The following VAV2 variants were observed in gnomAD, a reference collection of about 807,000 sequenced individuals.
The protein encoded by VAV2 is vav guanine nucleotide exchange factor 2.
VAV2 carries 67 observed loss-of-function variants against 132.5 expected under a neutral mutation model. The observed-to-expected ratio is 0.51, with a 90% CI of 0.42 to 0.62. The LOEUF (loss-of-function observed/expected upper bound fraction) is 0.62, where lower values mean the gene tolerates loss of function less well. Among genes scored for constraint, VAV2 ranks in the 20% least tolerant of loss-of-function variants. The pLI, the probability that VAV2 is intolerant of heterozygous loss-of-function variation, is 0.00. For missense variants in VAV2, 938 were observed against 1,153.6 expected (o/e 0.81, Z 2.71); for synonymous variants, 492 against 443.5 (o/e 1.11, Z -1.37).
chr9:133,904,419 G>A (rs528011053), intron 2 of VAV2, among the ~76,000 whole-genome samples: 11 of 152,200 alleles, frequency 7.2e-5, no homozygotes, highest in South Asian at 4.1e-4. Context: ...GTCCTCCAGG[G>A]TCCCGTGAAA....
intron 26 of VAV2, 129 bp from the exon 27 acceptor site, chr9:133,770,630 C>T (rs1203420120): frequency 5.0e-6 from 7 of 1,391,702 alleles, no homozygotes; most frequent in African/African-American, 1.4e-5. Flanking sequence ...CTCAGAACTC[C>T]CCACATCCCG....
chr9:133,936,491 C>A (rs1031961985), intron 2 of VAV2, among the ~76,000 whole-genome samples: 1 of 152,180 alleles, frequency 6.6e-6, no homozygotes, highest in Non-Finnish European at 1.5e-5. Flanking sequence ...GATCCGCCCA[C>A]CTCAGCCTTC....
chr9:133,785,013 G>A (rs185349392), intron 17 of VAV2, among the ~76,000 whole-genome samples: 3 of 152,150 alleles, frequency 2.0e-5, no homozygotes, highest in Non-Finnish European at 4.4e-5. Flanking sequence ...CATGGAAAGC[G>A]AGTGGCCGAA....
rs1488751786 is a variant in VAV2 at position 133,809,371 on chromosome 9, C to A, written c.568-233G>T. Among the ~76,000 whole-genome samples, 3 of 152,154 alleles carry A rather than the reference C, an allele frequency of 2.0e-5. No homozygotes were observed. The East Asian group carries it at 5.8e-4, about 29-fold the overall frequency. On this transcript the variant is annotated intron_variant, in intron 6 of 29. Coordinates refer to ENST00000371850, the MANE Select transcript of VAV2 (RefSeq NM_001134398.2). ...ACGGGGAGGGGATGTGACGTGGGGA[C>A]AGTGCCAAGGAAGGCTTGGAGGCAG...
At chr9:133,952,746 C>T (rs1272028930) in intron 1 of VAV2, among the ~76,000 whole-genome samples, 1 of 152,214 alleles carries the variant, frequency 6.6e-6, no homozygotes, top group East Asian at 1.9e-4. Context: ...CATGATGCAG[C>T]CACAAGCCAA....
intron 1 of VAV2, among the ~76,000 whole-genome samples, chr9:133,951,913 T>C (rs653373): frequency 0.39 from 58,517 of 151,918 alleles, 11,501 homozygotes; most frequent in Non-Finnish European, 0.42. Flanking sequence ...TTCTTTCTTG[T>C]AGCTCCAGAG....
At chr9:133,767,454 G>A (rs894203005) in intron 29 of VAV2, among the ~76,000 whole-genome samples, 1 of 152,214 alleles carries the variant, frequency 6.6e-6, no homozygotes, top group African/African-American at 2.4e-5. Context: ...ACTTAATGCT[G>A]TATAGAAAAT....
At chr9:133,889,073 C>T (rs959684520) in intron 2 of VAV2, among the ~76,000 whole-genome samples, 3 of 152,174 alleles carry the variant, frequency 2.0e-5, no homozygotes, top group African/African-American at 4.8e-5. Context: ...GAGGCAGGTC[C>T]GGCAGGGATC....
At chr9:133,867,345 C>T (rs1032216574) in intron 2 of VAV2, among the ~76,000 whole-genome samples, 7 of 152,144 alleles carry the variant, frequency 4.6e-5, no homozygotes, top group African/African-American at 1.7e-4. Flanking sequence ...AGATGGAAGC[C>T]AAAAAAGTGA....
chr9:133,940,672 C>CGTGTGTGTGT (rs60265901), intron 1 of VAV2, among the ~76,000 whole-genome samples: 6,907 of 139,030 alleles, frequency 0.05, 148 homozygotes, highest in South Asian at 0.063. Context: ...TGTCCACGTG[C>CGTGTGTGTGT]GTGTGTGTGT....
Position 133,812,134 on chromosome 9 carries a change from C to T in VAV2, c.532G>A (p.Val178Met), listed in dbSNP as rs1303256900. ...CTCACCATGGGCTGCTGCACCTCCA[C>T]CTTGATGATGTCCTCGTAGATGTCG... ...GDDIYEDIIK[V>M]EVQQPMIRYM... Residue 178 changes from valine (V) to methionine (M), a missense_variant, in exon 5 of 30, where the codon GTG becomes ATG. By Grantham distance (21) the Val-to-Met change is conservative. Transcript: ENST00000371850. 4 of 1,613,984 alleles carry T rather than the reference C, an allele frequency of 2.5e-6. No homozygotes were observed. Among genetic ancestry groups the T allele is most frequent in the African/African-American group, 1.3e-5 (1 of 75,056 alleles).
Position 133,778,890 on chromosome 9 carries a change from CT to C in VAV2, c.1763-2del. ...TTCTGCATGGCCACCATCTTGGGACCTGCAAAGGATAGGACAGCTCACTCAG... is the reference window on the plus strand; with the variant it reads ...TTCTGCATGGCCACCATCTTGGGACCGCAAAGGATAGGACAGCTCACTCAG... On this transcript the variant is annotated splice_acceptor_variant, in intron 21 of 29. Transcript: ENST00000371850. LOFTEE classifies it high-confidence loss of function. 1 of 1,612,274 alleles carries C rather than the reference CT, an allele frequency of 6.2e-7. No individual in the cohort carries two copies. Among genetic ancestry groups the C allele is most frequent in the South Asian group, 1.1e-5 (1 of 91,070 alleles).
At chr9:133,828,778 G>A (rs1366755759) in intron 4 of VAV2, among the ~76,000 whole-genome samples, 1 of 152,212 alleles carries the variant, frequency 6.6e-6, no homozygotes, top group Non-Finnish European at 1.5e-5. Flanking sequence ...GACTTGCGCT[G>A]GAACAACCCT....
rs1227106627 is a variant in VAV2, at chr9:133,928,182, T to C, written c.321+10921A>G. Among the ~76,000 whole-genome samples, 1 of 38,744 alleles carries C rather than the reference T, an allele frequency of 2.6e-5. No homozygotes were observed. Among genetic ancestry groups the C allele is most frequent in the Non-Finnish European group, 1.3e-4 (1 of 7,602 alleles). 25.4% of individuals were successfully genotyped at this position (38,744 alleles called of 152,430 possible). ...GGCTTACCGACTCCGTGTGTGTGTG[T>C]GTGTGTGCGTGCATGTGTGTATGTC... On this transcript the variant is annotated intron_variant, in intron 2 of 29. Transcript: ENST00000371850. The surrounding 1 kb of genome is among the most constrained non-coding windows in gnomAD (Gnocchi z 5.4).
intron 1 of VAV2, among the ~76,000 whole-genome samples, chr9:133,949,062 A>T (rs892834388): frequency 6.6e-5 from 10 of 152,132 alleles, no homozygotes; most frequent in African/African-American, 2.4e-4. Context: ...CATCCCTCTG[A>T]CACCAGCACT....
chr9:133,791,419 T>TC (rs1411513651), intron 13 of VAV2, among the ~76,000 whole-genome samples: 10 of 151,868 alleles, frequency 6.6e-5, no homozygotes, highest in African/African-American at 2.4e-4. Context: ...CCAGGGGGCG[T>TC]CTCCTGCCCC....
chr9:133,960,536 G>C (rs1012734704), intron 1 of VAV2, among the ~76,000 whole-genome samples: 2 of 152,192 alleles, frequency 1.3e-5, no homozygotes, highest in Non-Finnish European at 2.9e-5. Context: ...TCATGTCTCC[G>C]CTTAATAGCG....
chr9:133,870,031 G>C (rs7025962), intron 2 of VAV2, among the ~76,000 whole-genome samples: 1 of 151,896 alleles, frequency 6.6e-6, no homozygotes. Flanking sequence ...CTTGTGGAAA[G>C]CACGGACAGA....
At chr9:133,771,760 T>TG (rs906417062) in intron 26 of VAV2, among the ~76,000 whole-genome samples, 199 bp downstream of exon 26, 12 of 152,186 alleles carry the variant, frequency 7.9e-5, no homozygotes, top group African/African-American at 2.2e-4. Context: ...GCTCAGGCTT[T>TG]GGGGGTCAGA....
Sources: gnomAD v4.1 joint callset for allele counts (sites outside exome capture counted in the v4.1 genomes callset) on GRCh38, gnomAD v4.1.1 for gene constraint, Gnocchi (gnomAD v3.1) non-coding constraint, MANE v1.5 for transcripts, NCBI Gene and HGNC (gene_info 2026-07-23, HGNC 2026-07-21) for gene names.